COMMD1: variants seen among roughly 807,000 people sequenced by gnomAD.
COMMD1 encodes the protein COMM domain-containing protein 1.
Under a neutral mutation model 17.2 loss-of-function variants are expected in COMMD1, and 10 were observed. That is an observed-to-expected ratio of 0.58 (90% CI 0.36 to 0.99). The LOEUF (loss-of-function observed/expected upper bound fraction) is 0.99. Ranked by LOEUF, COMMD1 falls within the 50% of genes least tolerant of loss-of-function variation. The pLI, the probability that COMMD1 is intolerant of heterozygous loss-of-function variation, is 0.01. For synonymous variants in COMMD1, 97 were observed against 91.6 expected (o/e 1.06, Z -0.34); for missense variants, 270 against 231.8 (o/e 1.17, Z -1.07).
intron 2 of COMMD1, among the ~76,000 whole-genome samples, chr2:62,051,696 A>G (rs1162085534): frequency 6.6e-6 from 1 of 152,204 alleles, no homozygotes; most frequent in Non-Finnish European, 1.5e-5. Flanking sequence ...TAAGTTTCCT[A>G]TAGTTATATC....
At chr2:61,963,926 C>G (rs928169732) in intron 1 of COMMD1, among the ~76,000 whole-genome samples, 1 of 152,208 alleles carries the variant, frequency 6.6e-6, no homozygotes, top group Non-Finnish European at 1.5e-5. Context: ...CTGCTTCACT[C>G]TCCAGAATGG....
chr2:61,972,342 T>C (rs1671672698), intron 1 of COMMD1, among the ~76,000 whole-genome samples: 1 of 152,204 alleles, frequency 6.6e-6, no homozygotes, highest in South Asian at 2.1e-4. Flanking sequence ...AGATCACTTT[T>C]GCTTGTTTTA....
intron 1 of COMMD1, among the ~76,000 whole-genome samples, chr2:61,998,009 T>A (rs1481242384): frequency 6.6e-6 from 1 of 152,256 alleles, no homozygotes; most frequent in Non-Finnish European, 1.5e-5. Context: ...ACTTGCTGCT[T>A]CATCTTGTGC....
chr2:62,115,280 A>G (rs1167740197), intron 2 of COMMD1, among the ~76,000 whole-genome samples: 1 of 152,244 alleles, frequency 6.6e-6, no homozygotes, highest in Non-Finnish European at 1.5e-5. Context: ...GGGGAGAGGA[A>G]CTAGTCAATA....
chr2:62,051,289 A>G (rs944016011), intron 2 of COMMD1, among the ~76,000 whole-genome samples: 8 of 152,198 alleles, frequency 5.3e-5, no homozygotes, highest in South Asian at 2.1e-4. Context: ...CATGTAACTT[A>G]TAAGCCATCT....
intron 2 of COMMD1, among the ~76,000 whole-genome samples, chr2:62,099,695 C>T (rs753537509): frequency 3.3e-5 from 5 of 151,522 alleles, no homozygotes; most frequent in Admixed American, 6.6e-5. Flanking sequence ...TACCCTCTTA[C>T]GTGTCTCAGT....
intron 1 of COMMD1, among the ~76,000 whole-genome samples, chr2:61,943,813 C>T (rs1044252109): frequency 2.6e-5 from 4 of 152,088 alleles, no homozygotes; most frequent in Admixed American, 2.0e-4. Flanking sequence ...CCAGCCTTGG[C>T]GTCTCAGTGA....
At chr2:61,933,772 C>T (rs11686683) in intron 1 of COMMD1, among the ~76,000 whole-genome samples, 53 of 148,570 alleles carry the variant, frequency 3.6e-4, no homozygotes, top group African/African-American at 1.0e-3. Context: ...TTCTTTTTTT[C>T]TTTTTTTTGA....
intron 1 of COMMD1, among the ~76,000 whole-genome samples, chr2:61,952,972 G>A (rs1021377305): frequency 3.3e-5 from 5 of 152,302 alleles, no homozygotes; most frequent in African/African-American, 1.2e-4. Flanking sequence ...AATAGTTTCA[G>A]TTCTTTGACC....
chr2:62,015,706 T>TC (rs1399041458), intron 2 of COMMD1, among the ~76,000 whole-genome samples: 3 of 150,968 alleles, frequency 2.0e-5, no homozygotes, highest in African/African-American at 7.3e-5. Flanking sequence ...TTTTTTTTTT[T>TC]TTTCTTTTTT....
At chr2:61,935,458 A>G (rs763210342) in intron 1 of COMMD1, among the ~76,000 whole-genome samples, 2 of 152,002 alleles carry the variant, frequency 1.3e-5, no homozygotes, top group Non-Finnish European at 2.9e-5. Context: ...GTGAAACCCC[A>G]TCTCTACAAA....
At position 62,103,064 on chromosome 2, in the gene COMMD1, C is replaced by T. The variant is rs566798913; in HGVS notation, c.463-32767C>T. 7.3e-5 allele frequency among the ~76,000 whole-genome samples: 11 copies of T among 151,596 alleles called. No homozygotes were observed. The South Asian group carries it at 2.3e-3, about 32-fold the overall frequency. On this transcript the variant is annotated intron_variant, in intron 2 of 2. Coordinates refer to ENST00000311832, the MANE Select transcript of COMMD1 (RefSeq NM_152516.4). Reference sequence around the variant, plus strand: ...CGCGATCTCCGCTCACTGCAAGCTGCGCCTCCTGGGTTCAGGCCATTCTCC... The same window carrying T: ...CGCGATCTCCGCTCACTGCAAGCTGTGCCTCCTGGGTTCAGGCCATTCTCC...
chr2:62,124,182 C>T (rs1442181227), intron 2 of COMMD1, among the ~76,000 whole-genome samples: 2 of 152,102 alleles, frequency 1.3e-5, no homozygotes, highest in East Asian at 3.9e-4. Context: ...ACCTGTAGTC[C>T]CAGCTACTTG....
chr2:62,057,074 C>T (rs1456912606), intron 2 of COMMD1, among the ~76,000 whole-genome samples: 1 of 152,096 alleles, frequency 6.6e-6, no homozygotes, highest in Non-Finnish European at 1.5e-5. Flanking sequence ...CTCCCACCAC[C>T]CCCAATCCTG....
At chr2:62,043,491 A>C (rs557293853) in intron 2 of COMMD1, among the ~76,000 whole-genome samples, 1 of 152,136 alleles carries the variant, frequency 6.6e-6, no homozygotes, top group African/African-American at 2.4e-5. Context: ...TCCTTTTTGC[A>C]TCACAGGTGC....
chr2:62,128,883 C>A (rs1672954432), intron 2 of COMMD1, among the ~76,000 whole-genome samples: 2 of 149,304 alleles, frequency 1.3e-5, no homozygotes, highest in South Asian at 4.2e-4. Context: ...ACCTGGGAGG[C>A]AGAGGATGCA....
rs868390660 is a variant in COMMD1 at position 62,019,488 on chromosome 2, T to A, written c.462+18506T>A. ...CTGCACCCGGCCCTAAAAGCTCTTT[T>A]CATAATGGCATTAATCCATTCATGA... On this transcript the variant is annotated intron_variant, in intron 2 of 2. Transcript: ENST00000311832. Among the ~76,000 whole-genome samples the A allele has an allele frequency of 1.5e-4, 23 of 152,124 alleles. 1 individual carries two copies. The highest frequency in any genetic ancestry group is 3.4e-3 in the Middle Eastern group (1 of 294).
chr2:62,012,270 T>C lies in COMMD1; in HGVS notation c.462+11288T>C, dbSNP rs62149935. On this transcript the variant is annotated intron_variant, in intron 2 of 2. Coordinates refer to ENST00000311832, the MANE Select transcript of COMMD1 (RefSeq NM_152516.4). ...AGACCTTGTCTCAAACACACACACA[T>C]ACACACACACACACACACACACACA... is the stretch of plus-strand genomic sequence containing the variant. 5.3e-3 allele frequency among the ~76,000 whole-genome samples: 694 copies of C among 129,920 alleles called. 6 individuals are homozygous for C. Among genetic ancestry groups the C allele is most frequent in the East Asian group, 0.033 (148 of 4,434 alleles). 85.2% of individuals were successfully genotyped at this position (129,920 alleles called of 152,430 possible). A position where few individuals can be genotyped will look rare whatever the true frequency, so the allele number is the denominator to read the frequency against.
intron 2 of COMMD1, among the ~76,000 whole-genome samples, chr2:62,009,774 TTTTAACA>T (rs1345062766): frequency 6.6e-6 from 1 of 152,106 alleles, no homozygotes; most frequent in African/African-American, 2.4e-5. Flanking sequence ...GAAGGGAATG[TTTTAACA>T]AAGTAAAATA....
Sources: gnomAD v4.1 joint callset for allele counts (sites outside exome capture counted in the v4.1 genomes callset) on GRCh38, gnomAD v4.1.1 for gene constraint, MANE v1.5 for transcripts, NCBI Gene and HGNC (gene_info 2026-07-23, HGNC 2026-07-21) for gene names.